Variants in RABGAP1 observed in about 807,000 individuals in gnomAD.
The protein encoded by RABGAP1 is RAB GTPase activating protein 1, also known as rab GTPase-activating protein 1.
RABGAP1 carries 23 observed loss-of-function variants against 137.6 expected under a neutral mutation model. The observed-to-expected ratio is 0.17, with a 90% CI of 0.12 to 0.24. The LOEUF (loss-of-function observed/expected upper bound fraction) is 0.24. RABGAP1 is among the 10% of genes least tolerant of loss of function. The pLI is 1.00. For missense variants in RABGAP1, 906 were observed against 1,275.8 expected (o/e 0.71, Z 4.42); for synonymous variants, 451 against 450.7 (o/e 1.00, Z -0.01).
intron 1 of RABGAP1, among the ~76,000 whole-genome samples, chr9:122,948,040 AAAACACACACAC>A (rs957853818): frequency 2.1e-4 from 24 of 114,006 alleles, no homozygotes; most frequent in Non-Finnish European, 3.3e-4. Flanking sequence ...CAGAGCCAGG[AAAACACACACAC>A]ACACACACAC....
chr9:122,991,862 A>G (rs1836741901), intron 6 of RABGAP1, among the ~76,000 whole-genome samples: 1 of 151,900 alleles, frequency 6.6e-6, no homozygotes, highest in South Asian at 2.1e-4. Flanking sequence ...CAGCTTGTCA[A>G]AGTGTTGGGA....
intron 13 of RABGAP1, chr9:123,062,558 A>G (rs1360525223): frequency 6.6e-6 from 1 of 152,188 alleles, no homozygotes; most frequent in Non-Finnish European, 1.5e-5. Context: ...AATGATTCAC[A>G]TGGAACTCCT....
chr9:123,015,723 C>G, intron 12 of RABGAP1, 87 bp downstream of exon 12: 1 of 863,672 alleles, frequency 1.2e-6, no homozygotes, highest in Non-Finnish European at 1.8e-6. Context: ...ATTTTGGAAC[C>G]AGTAGTAGAA....
At chr9:122,984,922 A>G (rs1386932631) in intron 3 of RABGAP1, among the ~76,000 whole-genome samples, 3 of 152,168 alleles carry the variant, frequency 2.0e-5, no homozygotes, top group Admixed American at 6.5e-5. Flanking sequence ...TTCCTTTTAA[A>G]TGTATTTCAC....
chr9:122,991,984 T>A lies in RABGAP1; in HGVS notation c.923+1771T>A, dbSNP rs549586962. Reference sequence around the variant, plus strand: ...CCTGCAAAGTGAAAATTATAATCTGTATAATTTTAAGTAGTTTTTTACCTT... The same window carrying A: ...CCTGCAAAGTGAAAATTATAATCTGAATAATTTTAAGTAGTTTTTTACCTT... On this transcript the variant is annotated intron_variant, in intron 6 of 25. Transcript: ENST00000373647. Among the ~76,000 whole-genome samples the A allele has an allele frequency of 1.7e-4, 26 of 152,288 alleles. No homozygotes were observed. The South Asian group carries it at 5.4e-3, about 32-fold the overall frequency.
the RABGAP1 span, among the ~76,000 whole-genome samples, chr9:122,935,346 A>T: frequency 6.7e-6 from 1 of 148,846 alleles, no homozygotes; most frequent in Non-Finnish European, 1.5e-5. Context: ...CAATAACATA[A>T]TTTTTTTTTT....
At chr9:122,949,588 A>G (rs1442061897) in intron 1 of RABGAP1, among the ~76,000 whole-genome samples, 1 of 150,242 alleles carries the variant, frequency 6.7e-6, no homozygotes, top group Non-Finnish European at 1.5e-5. Flanking sequence ...CCAGCTATTC[A>G]GGAGGCTGAG....
chr9:122,974,311 G>C (rs11792719), intron 2 of RABGAP1, among the ~76,000 whole-genome samples: 12,093 of 151,866 alleles, frequency 0.08, 702 homozygotes, highest in Non-Finnish European at 0.1. Context: ...CCTGTAACGT[G>C]GTAAGATCCA....
chr9:122,990,270 G>A, intron 6 of RABGAP1, 57 bp downstream of exon 6: 1 of 1,420,692 alleles, frequency 7.0e-7, no homozygotes, highest in Non-Finnish European at 9.5e-7. Flanking sequence ...GGAAATTCTA[G>A]GTCAGATTAT....
chr9:122,967,739 G>GA (rs913827567), intron 2 of RABGAP1, among the ~76,000 whole-genome samples: 3 of 149,704 alleles, frequency 2.0e-5, no homozygotes, highest in East Asian at 2.0e-4. Flanking sequence ...TTTTTTTCCT[G>GA]AAAAAAATTT....
At chr9:123,042,749 A>T (rs1354027522) in intron 13 of RABGAP1, among the ~76,000 whole-genome samples, 1 of 152,338 alleles carries the variant, frequency 6.6e-6, no homozygotes, top group East Asian at 1.9e-4. Flanking sequence ...GAATAGAGGA[A>T]AAGAAAGGAA....
At chr9:122,958,365 T>C (rs77588683) in intron 2 of RABGAP1, among the ~76,000 whole-genome samples, 2,672 of 152,276 alleles carry the variant, frequency 0.018, 43 homozygotes, top group Non-Finnish European at 0.03. Flanking sequence ...AAATAGACTC[T>C]AAGCAAATAA....
At chr9:123,052,831 T>C (rs750886860) in intron 13 of RABGAP1, among the ~76,000 whole-genome samples, 1 of 152,194 alleles carries the variant, frequency 6.6e-6, no homozygotes, top group Non-Finnish European at 1.5e-5. Flanking sequence ...TCCCAGCTAC[T>C]TGGGAGGCTG....
intron 2 of RABGAP1, among the ~76,000 whole-genome samples, chr9:122,963,383 C>T (rs1187397728): frequency 6.6e-6 from 1 of 152,098 alleles, no homozygotes; most frequent in African/African-American, 2.4e-5. Flanking sequence ...GAACACTCAC[C>T]CCAACAATAG....
At chr9:122,975,501 T>C (rs1018936918) in intron 2 of RABGAP1, among the ~76,000 whole-genome samples, 1 of 152,256 alleles carries the variant, frequency 6.6e-6, no homozygotes, top group African/African-American at 2.4e-5. Flanking sequence ...TTGATATATT[T>C]AGAAAGGACA....
At chr9:122,974,192 T>TGA (rs1008174959) in intron 2 of RABGAP1, among the ~76,000 whole-genome samples, 2 of 152,060 alleles carry the variant, frequency 1.3e-5, no homozygotes, top group African/African-American at 4.8e-5. Context: ...AATCTAGGTA[T>TGA]GAGCGAACTG....
rs200681265 is a variant in RABGAP1 at position 123,101,685 on chromosome 9, C to G, written c.3009C>G (p.Leu1003=). 6 of 1,613,938 alleles carry G rather than the reference C, an allele frequency of 3.7e-6. No individual in the cohort carries two copies. Among genetic ancestry groups the G allele is most frequent in the African/African-American group, 2.7e-5 (2 of 75,026 alleles). ...ACACGGATGAAGAGAAAGAGACGCT[C>G]AAGAACCAGCTGAGAGAAATGGAGC... The part of the protein sequence containing the change: ...DEDTDEEKET[L]KNQLREMELE... The change falls in exon 25 of 26, where the codon CTC becomes CTG. Residue 1003 remains leucine (L), a synonymous_variant. Transcript: ENST00000373647.
chr9:123,057,408 C>T (rs1251555475), intron 13 of RABGAP1, among the ~76,000 whole-genome samples: 2 of 150,518 alleles, frequency 1.3e-5, no homozygotes, highest in African/African-American at 2.5e-5. Context: ...TCCTCACATC[C>T]CAGACGGGGC....
intron 6 of RABGAP1, among the ~76,000 whole-genome samples, chr9:122,993,959 C>T (rs1337822355): frequency 1.3e-5 from 2 of 152,048 alleles, no homozygotes; most frequent in Non-Finnish European, 2.9e-5. Context: ...CCACCGTGCC[C>T]GACCTAAATT....
Sources: allele counts gnomAD v4.1 joint callset (sites outside exome capture counted in the v4.1 genomes callset), GRCh38; gene constraint gnomAD v4.1.1; transcripts MANE v1.5; gene names NCBI Gene and HGNC (gene_info 2026-07-23, HGNC 2026-07-21).